The following CNTN5 variants were observed in gnomAD, a reference collection of about 807,000 sequenced individuals.
The protein encoded by CNTN5 is contactin-5.
In CNTN5, 77 loss-of-function variants were observed where a neutral mutation model predicts 129.1. The ratio of observed to expected loss-of-function variants is 0.60; its 90% CI spans 0.50 to 0.72. CNTN5 has a LOEUF of 0.72. Among genes scored for constraint, CNTN5 ranks in the 30% least tolerant of loss-of-function variants. The pLI, the probability that CNTN5 is intolerant of heterozygous loss-of-function variation, is 0.00. For synonymous variants in CNTN5, 509 were observed against 465.6 expected, an observed-to-expected ratio of 1.09 and a Z score of -1.20; for missense variants, 1,478 against 1,328.8, an observed-to-expected ratio of 1.11 and a Z score of -1.75.
At chr11:100,107,986 A>ATTTTT in intron 13 of CNTN5, among the ~76,000 whole-genome samples, 1 of 142,510 alleles carries the variant, frequency 7.0e-6, no homozygotes, top group Middle Eastern at 3.8e-3. Flanking sequence ...AGTGGGGATA[A>ATTTTT]TTTTTTTTTT....
intron 3 of CNTN5, among the ~76,000 whole-genome samples, chr11:99,677,716 T>G (rs748185159): frequency 6.6e-6 from 1 of 150,500 alleles, no homozygotes; most frequent in Non-Finnish European, 1.5e-5. Context: ...TTATTCTACA[T>G]CCTTCTTTTT....
chr11:99,377,232 G>A (rs555941699), intron 2 of CNTN5, among the ~76,000 whole-genome samples: 1 of 152,084 alleles, frequency 6.6e-6, no homozygotes, highest in South Asian at 2.1e-4. Flanking sequence ...CATATTTTGG[G>A]GGAGTGGAGA....
intron 9 of CNTN5, among the ~76,000 whole-genome samples, chr11:100,025,792 C>T (rs1941389365): frequency 6.6e-6 from 1 of 152,190 alleles, no homozygotes; most frequent in South Asian, 2.1e-4. Flanking sequence ...CAATTTCTCC[C>T]ATTTGAAATG....
intron 6 of CNTN5, among the ~76,000 whole-genome samples, chr11:99,912,234 A>G (rs1330172170): frequency 6.6e-6 from 1 of 151,928 alleles, no homozygotes; most frequent in East Asian, 1.9e-4. Flanking sequence ...GTCTGTGTGT[A>G]TGTGTGTTCA....
At chr11:99,609,419 C>T (rs991930470) in intron 3 of CNTN5, among the ~76,000 whole-genome samples, 2 of 152,090 alleles carry the variant, frequency 1.3e-5, no homozygotes, top group African/African-American at 4.8e-5. Flanking sequence ...CTGTGCAGAT[C>T]AGAAAGACCC....
At chr11:99,743,910 A>T (rs1943962305) in intron 3 of CNTN5, among the ~76,000 whole-genome samples, 1 of 152,190 alleles carries the variant, frequency 6.6e-6, no homozygotes, top group Non-Finnish European at 1.5e-5. Context: ...CCCATATAAC[A>T]TAGTTATTCA....
At chr11:99,633,020 T>C (rs1282068640) in intron 3 of CNTN5, among the ~76,000 whole-genome samples, 3 of 152,090 alleles carry the variant, frequency 2.0e-5, no homozygotes, top group Non-Finnish European at 2.9e-5. Context: ...CTCCCTAAGT[T>C]AGTTCACAAT....
intron 2 of CNTN5, among the ~76,000 whole-genome samples, chr11:99,424,536 C>T (rs898303026): frequency 1.7e-4 from 25 of 151,494 alleles, no homozygotes; most frequent in African/African-American, 4.6e-4. Flanking sequence ...CAGGCAGCTC[C>T]TGGCACTGGC....
chr11:100,240,027 A>G (rs1949703487), intron 16 of CNTN5, among the ~76,000 whole-genome samples: 1 of 152,226 alleles, frequency 6.6e-6, no homozygotes, highest in African/African-American at 2.4e-5. Context: ...TGTTGCAAAG[A>G]TGTTTTATCA....
At chr11:100,108,447 G>A (rs1174571395) in intron 13 of CNTN5, among the ~76,000 whole-genome samples, 2 of 152,028 alleles carry the variant, frequency 1.3e-5, no homozygotes, top group African/African-American at 4.8e-5. Flanking sequence ...GGGTCAAATG[G>A]GAGAGACACA....
intron 6 of CNTN5, among the ~76,000 whole-genome samples, chr11:99,863,854 C>T (rs1357483826): frequency 6.6e-6 from 1 of 152,112 alleles, no homozygotes; most frequent in East Asian, 1.9e-4. Context: ...CAAAAATTTG[C>T]TTCTTTGGAA....
intron 1 of CNTN5, among the ~76,000 whole-genome samples, chr11:99,193,525 A>G (rs1411640603): frequency 1.3e-5 from 2 of 152,180 alleles, no homozygotes; most frequent in African/African-American, 4.8e-5. Flanking sequence ...GATTAGAAAC[A>G]TTCTTCTTCC....
chr11:99,705,736 G>A (rs1008626328), intron 3 of CNTN5, among the ~76,000 whole-genome samples: 1 of 151,458 alleles, frequency 6.6e-6, no homozygotes, highest in Non-Finnish European at 1.5e-5. Flanking sequence ...AAAACAGAAT[G>A]CAGAAAGAGG....
At chr11:99,280,437 A>T (rs1863642671) in intron 1 of CNTN5, among the ~76,000 whole-genome samples, 1 of 151,864 alleles carries the variant, frequency 6.6e-6, no homozygotes, top group Non-Finnish European at 1.5e-5. Flanking sequence ...GAATGCCAAA[A>T]CCAAACCTCA....
At chr11:99,226,900 G>C (rs1016206585) in intron 1 of CNTN5, among the ~76,000 whole-genome samples, 1 of 152,062 alleles carries the variant, frequency 6.6e-6, no homozygotes, top group Admixed American at 6.6e-5. Context: ...TAACTTTCTT[G>C]ATCATTAGTT....
intron 3 of CNTN5, among the ~76,000 whole-genome samples, chr11:99,745,729 T>TC (rs941569899): frequency 3.2e-4 from 2 of 6,168 alleles, no homozygotes; most frequent in Non-Finnish European, 2.3e-3. Context: ...CCTGAAGACA[T>TC]TTTTTTTTTT....
At chr11:100,035,791 A>T (rs1249399721) in intron 9 of CNTN5, among the ~76,000 whole-genome samples, 7 of 151,464 alleles carry the variant, frequency 4.6e-5, no homozygotes, top group Non-Finnish European at 7.4e-5. Flanking sequence ...GTCTGTTCAT[A>T]TCCTTTGCCC....
chr11:99,474,950 G>T (rs1394717745), intron 2 of CNTN5, among the ~76,000 whole-genome samples: 1 of 152,148 alleles, frequency 6.6e-6, no homozygotes, highest in Non-Finnish European at 1.5e-5. Flanking sequence ...AACTCACGTT[G>T]AAATGTAACT....
chr11:99,325,960 A>C (rs1865771900), intron 2 of CNTN5, among the ~76,000 whole-genome samples: 1 of 152,198 alleles, frequency 6.6e-6, no homozygotes, highest in South Asian at 2.1e-4. Flanking sequence ...GGAGAGAGGT[A>C]GTGTCATCCC....
Sources: gnomAD v4.1 joint callset for allele counts (sites outside exome capture counted in the v4.1 genomes callset) on GRCh38, gnomAD v4.1.1 for gene constraint, MANE v1.5 for transcripts, NCBI Gene and HGNC (gene_info 2026-07-23, HGNC 2026-07-21) for gene names.